CASS4: variants seen among roughly 807,000 people sequenced by gnomAD.
CASS4 encodes Cas scaffold protein family member 4, also known as cas scaffolding protein family member 4.
Under a neutral mutation model 54.2 loss-of-function variants are expected in CASS4, and 22 were observed. That is an observed-to-expected ratio of 0.41 (90% CI 0.29 to 0.58). The LOEUF (loss-of-function observed/expected upper bound fraction) is 0.58, where lower values mean the gene tolerates loss of function less well. Among genes scored for constraint, CASS4 ranks in the 20% least tolerant of loss-of-function variants. The probability of loss-of-function intolerance (pLI) is 0.36; values close to 1 mark genes in which losing one functional copy is unlikely to be tolerated. For synonymous variants in CASS4, 409 were observed against 391.5 expected, an observed-to-expected ratio of 1.04 and a Z score of -0.53; for missense variants, 854 against 986.7, an observed-to-expected ratio of 0.87 and a Z score of 1.80.
intron 4 of CASS4, among the ~76,000 whole-genome samples, chr20:56,451,183 C>A (rs955268565): frequency 1.3e-5 from 2 of 152,084 alleles, no homozygotes; most frequent in Non-Finnish European, 1.5e-5. Flanking sequence ...CGTTTAACTT[C>A]TCTGTTTTTA....
chr20:56,416,528 CGTGTGT>C (rs3219626), intron 1 of CASS4, among the ~76,000 whole-genome samples: 26 of 149,170 alleles, frequency 1.7e-4, no homozygotes, highest in African/African-American at 2.2e-4. Flanking sequence ...TGTTTACTTC[CGTGTGT>C]GTGTGTGTGT....
Position 56,451,988 on chromosome 20 carries a change from C to T in CASS4, c.812C>T (p.Ala271Val), listed in dbSNP as rs775146098. 20 of 1,614,102 alleles carry T rather than the reference C, an allele frequency of 1.2e-5. 1 individual carries two copies. The Admixed American group carries it at 3.0e-4, about 24-fold the overall frequency. Reference protein sequence around the residue: ...TSFAEESRPHALPSSSSTFYN... With the variant: ...TSFAEESRPHVLPSSSSTFYN... ...TTTGCGGAAGAATCAAGGCCCCACG[C>T]TCTCCCCAGTTCCAGCTCCACTTTC... is the stretch of plus-strand genomic sequence containing the variant. Residue 271 changes from alanine to valine, a missense_variant, in exon 5 of 6, where the codon GCT (alanine) becomes GTT (valine). By Grantham distance (64) the Ala-to-Val change is moderately conservative. Coordinates refer to ENST00000679887, the MANE Select transcript of CASS4 (RefSeq NM_020356.4).
At position 56,458,745 on chromosome 20, in the gene CASS4, T is replaced by A. The variant is rs377131087; in HGVS notation, c.2359T>A (p.Ter787ArgextTer50). 6.3e-7 allele frequency: 1 copy of A among 1,597,922 alleles called. No homozygotes were observed. The highest frequency in any genetic ancestry group is 8.5e-7 in the Non-Finnish European group (1 of 1,170,352). ...HTRQFRGTLG[*>R] ...GCGGCAGTTCAGAGGGACACTGGGA[T>A]GAGGACTGTCTACCTCCCTTCCTCC... The change falls in exon 6 of 6, where the codon TGA becomes AGA. Residue 787 changes from the stop codon to arginine, a stop_lost. Transcript: ENST00000679887.
chr20:56,421,588 TG>T lies in CASS4; in HGVS notation c.36+9095del, dbSNP rs1600745798. Among the ~76,000 whole-genome samples the T allele has an allele frequency of 3.9e-5, 6 of 152,218 alleles. No homozygotes were observed. The East Asian group carries it at 1.2e-3, about 29-fold the overall frequency. On this transcript the variant is annotated intron_variant, in intron 1 of 5. Coordinates refer to ENST00000679887, the MANE Select transcript of CASS4 (RefSeq NM_020356.4). ...GCTCATGCCTGTAGTCCTAGCTACT[TG>T]AAAGGCTGAGGTGGGAGGATCGTTC...
Position 56,458,599 on chromosome 20 carries a change from G to A in CASS4, c.2213G>A (p.Ser738Asn). ...CGCAACGAGATCCTCCGTGGCAGCA[G>A]TCACCTCTGCAGCCTGCTCAAGGAC... ...DVRNEILRGS[S>N]HLCSLLKDVA... The change falls in exon 6 of 6, where the codon AGT (serine) becomes AAT (asparagine). Residue 738 changes from serine (S) to asparagine (N), a missense_variant. Physicochemically the swap from Ser to Asn is conservative, Grantham distance 46 (BLOSUM62 1). Coordinates refer to ENST00000679887, the MANE Select transcript of CASS4 (RefSeq NM_020356.4). 6.2e-7 allele frequency: 1 copy of A among 1,614,048 alleles called. No individual in the cohort carries two copies.
At chr20:56,415,935 T>C (rs993413103) in intron 1 of CASS4, among the ~76,000 whole-genome samples, 1 of 152,204 alleles carries the variant, frequency 6.6e-6, no homozygotes, top group South Asian at 2.1e-4. Context: ...TTAAAACACG[T>C]GATATTAGTG....
chr20:56,413,094 G>A (rs373633684), intron 1 of CASS4, among the ~76,000 whole-genome samples: 6 of 151,788 alleles, frequency 4.0e-5, no homozygotes, highest in Non-Finnish European at 7.4e-5. Flanking sequence ...TCCAGCTACC[G>A]GAGAGGCTGA....
At chr20:56,429,219 A>G (rs1349001577) in intron 1 of CASS4, among the ~76,000 whole-genome samples, 5 of 152,130 alleles carry the variant, frequency 3.3e-5, no homozygotes, top group Admixed American at 3.3e-4. Context: ...ACCACCATGG[A>G]TGATGAAAGT....
intron 1 of CASS4, among the ~76,000 whole-genome samples, chr20:56,421,169 A>G (rs977591804): frequency 4.6e-5 from 7 of 152,234 alleles, no homozygotes; most frequent in African/African-American, 1.7e-4. Flanking sequence ...GACTGCAGGC[A>G]TGCCAGAGGA....
chr20:56,459,850 G>A lies in CASS4; in HGVS notation c.*1103G>A, dbSNP rs1024037724. On this transcript the variant is annotated 3_prime_UTR_variant, in exon 6 of 6. Coordinates refer to ENST00000679887, the MANE Select transcript of CASS4 (RefSeq NM_020356.4). ...CCAAGTTCTAGGTGCTGGAGACATA[G>A]CAGTGTTTCAGAGGGCTTGCCCTCT... 7 of 151,900 alleles carry A rather than the reference G, an allele frequency of 4.6e-5. No individual in the cohort carries two copies. Among genetic ancestry groups the A allele is most frequent in the African/African-American group, 1.7e-4 (7 of 41,314 alleles). 9.4% of individuals were successfully genotyped at this position (151,900 alleles called of 1,614,324 possible).
At chr20:56,429,064 G>T (rs1335336889) in intron 1 of CASS4, among the ~76,000 whole-genome samples, 2 of 152,236 alleles carry the variant, frequency 1.3e-5, no homozygotes, top group African/African-American at 4.8e-5. Flanking sequence ...CCCGGGCAGT[G>T]TGTCCACCCC....
chr20:56,419,033 A>G (rs996462732), intron 1 of CASS4, among the ~76,000 whole-genome samples: 1 of 152,182 alleles, frequency 6.6e-6, no homozygotes, highest in Non-Finnish European at 1.5e-5. Flanking sequence ...GAATGCCACC[A>G]TCACCCCAAA....
Position 56,412,431 on chromosome 20 carries a change from C to A in CASS4, c.-28C>A, listed in dbSNP as rs754634575. 4 of 1,611,126 alleles carry A rather than the reference C, an allele frequency of 2.5e-6. No homozygotes were observed. In the South Asian group the frequency reaches 3.3e-5, roughly 13 times the overall value. Reference sequence around the variant, plus strand: ...GAAGCTGGAGATACTAGCTGCAGAGCTCAGGGGAGCTGCTCCACATCACCG... The same window carrying A: ...GAAGCTGGAGATACTAGCTGCAGAGATCAGGGGAGCTGCTCCACATCACCG... On this transcript the variant is annotated 5_prime_UTR_variant, in exon 1 of 6. Transcript: ENST00000679887. The surrounding 1 kb of genome is among the most constrained non-coding windows in gnomAD (Gnocchi z 4.2).
chr20:56,456,330 G>C (rs1241381974), intron 5 of CASS4, among the ~76,000 whole-genome samples: 1 of 151,790 alleles, frequency 6.6e-6, no homozygotes, highest in African/African-American at 2.4e-5. Context: ...CACTTAAGAT[G>C]CTCATAATCT....
intron 3 of CASS4, among the ~76,000 whole-genome samples, chr20:56,447,958 C>T (rs921778107): frequency 6.6e-6 from 1 of 152,002 alleles, no homozygotes; most frequent in South Asian, 2.1e-4. Context: ...CTGGCTAACG[C>T]GGTGAAACCC....
chr20:56,458,279 G>A lies in CASS4; in HGVS notation c.1954-61G>A, dbSNP rs371632873. On this transcript the variant is annotated intron_variant, in intron 5 of 5. Transcript: ENST00000679887. ...TGCAAATCTAGCCAAAACAGGAAAGGGCAGACAGCCACAGCCCATTGATTG... is the reference window on the plus strand; with the variant it reads ...TGCAAATCTAGCCAAAACAGGAAAGAGCAGACAGCCACAGCCCATTGATTG... 19 of 1,506,388 alleles carry A rather than the reference G, an allele frequency of 1.3e-5. No individual in the cohort carries two copies. The African/African-American group carries it at 2.7e-4, about 21-fold the overall frequency. 93.3% of individuals were successfully genotyped at this position (1,506,388 alleles called of 1,614,324 possible). A position where few individuals can be genotyped will look rare whatever the true frequency, so the allele number is the denominator to read the frequency against.
intron 3 of CASS4, among the ~76,000 whole-genome samples, chr20:56,449,350 A>G (rs1980881643): frequency 6.6e-6 from 1 of 152,090 alleles, no homozygotes; most frequent in Non-Finnish European, 1.5e-5. Flanking sequence ...TGCACAAACT[A>G]TTGCAAGGAC....
intron 3 of CASS4, among the ~76,000 whole-genome samples, chr20:56,450,306 G>A (rs1980932230): frequency 6.6e-6 from 1 of 152,196 alleles, no homozygotes; most frequent in African/African-American, 2.4e-5. Context: ...TTACAGGCGT[G>A]AGCCACCACG....
chr20:56,437,253 G>A lies in CASS4; in HGVS notation c.126G>A (p.Glu42=). 2 of 1,613,700 alleles carry A rather than the reference G, an allele frequency of 1.2e-6. No homozygotes were observed. The highest frequency in any genetic ancestry group is 1.7e-6 in the Non-Finnish European group (2 of 1,179,788). ...GAGGGGACATCCTGACCATTCTGGAGCAACACGTGCCAGAAAGCGAGGGTT... is the reference window on the plus strand; with the variant it reads ...GAGGGGACATCCTGACCATTCTGGAACAACACGTGCCAGAAAGCGAGGGTT... ...FSRGDILTIL[E]QHVPESEGWW... Residue 42 remains glutamate (E), a synonymous_variant, in exon 2 of 6, where the codon GAG becomes GAA. Coordinates refer to ENST00000679887, the MANE Select transcript of CASS4 (RefSeq NM_020356.4). This position sits in a 1 kb window ranked among gnomAD's most constrained non-coding sequence, Gnocchi z 4.7.
Sources: gnomAD v4.1 joint callset for allele counts (sites outside exome capture counted in the v4.1 genomes callset) on GRCh38, gnomAD v4.1.1 for gene constraint, Gnocchi (gnomAD v3.1) non-coding constraint, MANE v1.5 for transcripts, NCBI Gene and HGNC (gene_info 2026-07-23, HGNC 2026-07-21) for gene names.